Variants in DSC1 observed in about 807,000 individuals in gnomAD.
DSC1 encodes desmocollin 1, also known as desmocollin-1.
Under a neutral mutation model 98.8 loss-of-function variants are expected in DSC1, and 79 were observed. That is an observed-to-expected ratio of 0.80 (90% CI 0.67 to 0.96). The LOEUF is 0.96. Among genes scored for constraint, DSC1 ranks in the 50% least tolerant of loss-of-function variants. The pLI, the probability that DSC1 is intolerant of heterozygous loss-of-function variation, is 0.00. For missense variants in DSC1, 1,115 were observed against 1,075.9 expected, an observed-to-expected ratio of 1.04 and a Z score of -0.51; for synonymous variants, 405 against 372.1, an observed-to-expected ratio of 1.09 and a Z score of -1.02.
At chr18:31,132,140 A>T in intron 14 of DSC1, 1 of 417,806 alleles carries the variant, frequency 2.4e-6, no homozygotes, top group Non-Finnish European at 4.4e-6. Flanking sequence ...GAATATAATC[A>T]GTATCCTTAT....
At chr18:31,162,009 T>G (rs149458545) in intron 1 of DSC1, among the ~76,000 whole-genome samples, 2,010 of 152,220 alleles carry the variant, frequency 0.013, 43 homozygotes, top group African/African-American at 0.047. Context: ...GAAGCCAAGT[T>G]GAGGATATTT....
chr18:31,159,119 T>G, intron 2 of DSC1, among the ~76,000 whole-genome samples: 1 of 82,132 alleles, frequency 1.2e-5, no homozygotes, highest in Non-Finnish European at 2.5e-5. Flanking sequence ...AGTGGCGCAA[T>G]CTCGGCTCAC....
chr18:31,150,139 C>T (rs1026987278), intron 5 of DSC1, among the ~76,000 whole-genome samples: 20 of 147,710 alleles, frequency 1.4e-4, no homozygotes, highest in African/African-American at 5.0e-4. Context: ...CCATTATCAC[C>T]ATTATCATCG....
At chr18:31,132,802 T>G in intron 13 of DSC1, 113 bp from the exon 14 acceptor site, 15 of 931,508 alleles carry the variant, frequency 1.6e-5, no homozygotes, top group Non-Finnish European at 2.2e-5. Context: ...AATTGAGCTC[T>G]TCAGGTCACA....
At chr18:31,139,684 A>G in intron 11 of DSC1, 64 bp downstream of exon 11, 1 of 1,421,428 alleles carries the variant, frequency 7.0e-7, no homozygotes, top group Non-Finnish European at 9.4e-7. Flanking sequence ...AACAGATTTC[A>G]CCACAAGGTT....
intron 4 of DSC1, 116 bp from the exon 5 acceptor site, chr18:31,155,045 C>G (rs939097466): frequency 2.5e-6 from 3 of 1,219,350 alleles, no homozygotes; most frequent in Admixed American, 2.8e-5. Flanking sequence ...CCTATTCTTT[C>G]TTTCTTCTGC....
intron 7 of DSC1, among the ~76,000 whole-genome samples, chr18:31,144,630 T>C (rs1210961156): frequency 6.6e-6 from 1 of 152,166 alleles, no homozygotes; most frequent in African/African-American, 2.4e-5. Flanking sequence ...GGAGAAGCAC[T>C]ACAGAAGCAA....
Position 31,148,642 on chromosome 18 carries a change from A to G in DSC1, c.628T>C (p.Leu210=), listed in dbSNP as rs200495459. 1.3e-6 allele frequency: 2 copies of G among 1,574,492 alleles called. No homozygotes were observed. Among genetic ancestry groups the G allele is most frequent in the Non-Finnish European group, 1.7e-6 (2 of 1,152,364 alleles). The change falls in exon 6 of 16, where the codon TTA becomes CTA. Residue 210 remains leucine, a splice_region_variant and synonymous_variant. Coordinates refer to ENST00000257198, the MANE Select transcript of DSC1 (RefSeq NM_024421.2). Reference sequence around the variant, plus strand: ...TCTGCAGTTGTTGCATAGCCATATAACTGAAAGAAGGGAAAATACCATCAA... The same window carrying G: ...TCTGCAGTTGTTGCATAGCCATATAGCTGAAAGAAGGGAAAATACCATCAA... ...IDREKYEQFA[L]YGYATTADGY...
intron 5 of DSC1, among the ~76,000 whole-genome samples, chr18:31,152,804 G>A (rs187313259): frequency 5.9e-5 from 9 of 151,930 alleles, no homozygotes; most frequent in South Asian, 4.2e-4. Flanking sequence ...AGTATATTAC[G>A]TTAAAAACAT....
chr18:31,153,078 T>A (rs1011793355), intron 5 of DSC1, among the ~76,000 whole-genome samples: 1 of 151,952 alleles, frequency 6.6e-6, no homozygotes, highest in Non-Finnish European at 1.5e-5. Context: ...ATTTACATTT[T>A]TTTAAATGTT....
In DSC1 at chr18:31,130,322, T is replaced by C; in HGVS notation, c.*192A>G. On this transcript the variant is annotated 3_prime_UTR_variant, in exon 16 of 16. Coordinates refer to ENST00000257198, the MANE Select transcript of DSC1 (RefSeq NM_024421.2). ...TAAAAGAGAATTAACAAACAAAACC[T>C]TGATTTCTAGAGAACATGGAAGTTA... 3.1e-6 allele frequency: 2 copies of C among 647,220 alleles called. No homozygotes were observed. Among genetic ancestry groups the C allele is most frequent in the Non-Finnish European group, 5.2e-6 (2 of 384,688 alleles). 40.1% of individuals were successfully genotyped at this position (647,220 alleles called of 1,614,324 possible).
At position 31,142,154 on chromosome 18, in the gene DSC1, C is replaced by T. The variant is rs531833192; in HGVS notation, c.1105G>A (p.Asp369Asn). The change falls in exon 9 of 16, where the codon GAC becomes AAC. Residue 369 changes from aspartate to asparagine, a missense_variant. Transcript: ENST00000257198. ...YVTEVEENRI[D>N]VEILRMKVQD... Reference sequence around the variant, plus strand: ...ACCTTCATTCGTAAAATCTCCACGTCAATTCTGTTTTCTTCTACTTCTGTA... The same window carrying T: ...ACCTTCATTCGTAAAATCTCCACGTTAATTCTGTTTTCTTCTACTTCTGTA... 4.3e-6 allele frequency: 7 copies of T among 1,612,642 alleles called. No homozygotes were observed. In the East Asian group the frequency reaches 1.6e-4, roughly 36 times the overall value.
intron 8 of DSC1, 37 bp downstream of exon 8, chr18:31,143,620 G>C (rs756502278): frequency 4.2e-6 from 6 of 1,434,088 alleles, no homozygotes; most frequent in Non-Finnish European, 5.5e-6. Context: ...TGAAAAAGTA[G>C]ATAAATCTAG....
chr18:31,152,900 A>G (rs555124804), intron 5 of DSC1, among the ~76,000 whole-genome samples: 101 of 109,176 alleles, frequency 9.3e-4, no homozygotes, highest in African/African-American at 3.2e-3. Flanking sequence ...TCAGGTTTAC[A>G]TCTTGTTGCT....
chr18:31,132,807 G>A (rs1988525587), intron 13 of DSC1, 118 bp from the exon 14 acceptor site: 1 of 895,556 alleles, frequency 1.1e-6, no homozygotes, highest in East Asian at 2.8e-5. Context: ...AGCTCTTCAG[G>A]TCACAAGATT....
intron 5 of DSC1, among the ~76,000 whole-genome samples, chr18:31,153,283 A>T (rs1454792733): frequency 2.0e-5 from 3 of 152,100 alleles, no homozygotes; most frequent in Non-Finnish European, 2.9e-5. Context: ...CTCAAGAGTG[A>T]CTTCTAGTGT....
intron 11 of DSC1, among the ~76,000 whole-genome samples, chr18:31,137,965 ATGTGTGTGTGTGTGTG>A (rs201493651): frequency 2.0e-4 from 28 of 141,628 alleles, no homozygotes; most frequent in East Asian, 4.2e-4. Context: ...TCAGAGCAAA[ATGTGTGTGTGTGTGTG>A]TGTGTGTGTG....
At chr18:31,143,632 T>A in intron 8 of DSC1, 25 bp downstream of exon 8, 1 of 1,483,140 alleles carries the variant, frequency 6.7e-7, no homozygotes, top group South Asian at 1.5e-5. Flanking sequence ...TAAATCTAGA[T>A]GAATGAATAG....
Position 31,148,533 on chromosome 18 carries a change from A to G in DSC1, c.737T>C (p.Val246Ala). Residue 246 changes from valine (V) to alanine (A), a missense_variant, in exon 6 of 16, where the codon GTG becomes GCG. Coordinates refer to ENST00000257198, the MANE Select transcript of DSC1 (RefSeq NM_024421.2). Reference protein sequence around the residue: ...NDNAPYFEHRVTIFTVPENCR... With the variant: ...NDNAPYFEHRATIFTVPENCR... ...ATTTTCAGGCACAGTAAAGATAGTC[A>G]CTCTGTGTTCAAAATATGGGGCGTT... 9.3e-6 allele frequency: 15 copies of G among 1,610,196 alleles called. No homozygotes were observed. Among genetic ancestry groups the G allele is most frequent in the Non-Finnish European group, 1.3e-5 (15 of 1,177,228 alleles).
Sources: gnomAD v4.1 joint callset for allele counts (sites outside exome capture counted in the v4.1 genomes callset) on GRCh38, gnomAD v4.1.1 for gene constraint, MANE v1.5 for transcripts, NCBI Gene and HGNC (gene_info 2026-07-23, HGNC 2026-07-21) for gene names.